NEK7: variants seen among roughly 807,000 people sequenced by gnomAD.
The protein encoded by NEK7 is serine/threonine-protein kinase Nek7.
Under a neutral mutation model 44.6 loss-of-function variants are expected in NEK7, and 18 were observed. The ratio of observed to expected loss-of-function variants is 0.40; its 90% CI spans 0.28 to 0.60. The LOEUF (loss-of-function observed/expected upper bound fraction) is 0.60, where lower values mean the gene tolerates loss of function less well. Among genes scored for constraint, NEK7 ranks in the 20% least tolerant of loss-of-function variants. The probability of loss-of-function intolerance (pLI) is 0.38; values close to 1 mark genes in which losing one functional copy is unlikely to be tolerated. For synonymous variants in NEK7, 130 were observed against 121.1 expected (o/e 1.07, Z -0.48); for missense variants, 256 against 366.5 (o/e 0.70, Z 2.46).
At chr1:198,249,799 A>G (rs1652857350) in intron 2 of NEK7, among the ~76,000 whole-genome samples, 2 of 126,478 alleles carry the variant, frequency 1.6e-5, no homozygotes, top group Non-Finnish European at 1.6e-5. Flanking sequence ...CCTTTGTCAG[A>G]TGAGTGGGTT....
At chr1:198,218,030 A>C (rs1161022719) in intron 1 of NEK7, among the ~76,000 whole-genome samples, 2 of 151,864 alleles carry the variant, frequency 1.3e-5, no homozygotes, top group Admixed American at 6.6e-5. Context: ...TGAAATTCCT[A>C]TGAAAATACC....
intron 1 of NEK7, among the ~76,000 whole-genome samples, chr1:198,159,563 A>C (rs1188523582): frequency 6.6e-6 from 1 of 152,232 alleles, no homozygotes; most frequent in African/African-American, 2.4e-5. Context: ...GAATCTTTCC[A>C]TGGTTAAAAA....
Position 198,281,680 on chromosome 1 carries a change from A to G in NEK7, c.589+2619A>G, listed in dbSNP as rs576219493. 3.5e-4 allele frequency among the ~76,000 whole-genome samples: 53 copies of G among 152,232 alleles called. 1 individual carries two copies. In the South Asian group the frequency reaches 0.011, roughly 32 times the overall value. ...CAAAATACATTTTTGTTGAAAAATC[A>G]AGATACGATTTTAACTCATTTTAAT... is the stretch of plus-strand genomic sequence containing the variant. On this transcript the variant is annotated intron_variant, in intron 7 of 9. Transcript: ENST00000367385.
intron 9 of NEK7, among the ~76,000 whole-genome samples, chr1:198,313,325 A>G (rs1184629490): frequency 6.6e-6 from 1 of 151,248 alleles, no homozygotes. Flanking sequence ...TTTTGAGCCT[A>G]TGTGTGTCTC....
rs533516424 is a variant in NEK7, at chr1:198,194,643, A to T, written c.-29+37367A>T. ...CCATCCATATTCCCACAAAGGACAT[A>T]ATCTCCTTCTTTTTTATGACTGCAT... On this transcript the variant is annotated intron_variant, in intron 1 of 9. Transcript: ENST00000367385. 2.6e-4 allele frequency among the ~76,000 whole-genome samples: 40 copies of T among 152,238 alleles called. No individual in the cohort carries two copies. The South Asian group carries it at 8.3e-3, about 32-fold the overall frequency.
intron 1 of NEK7, among the ~76,000 whole-genome samples, chr1:198,201,683 A>G (rs1440947057): frequency 1.3e-5 from 2 of 152,188 alleles, no homozygotes; most frequent in Non-Finnish European, 2.9e-5. Context: ...TTGTCCTTAT[A>G]TAATTTTTAT....
At chr1:198,196,518 C>G (rs1229151781) in intron 1 of NEK7, among the ~76,000 whole-genome samples, 2 of 152,118 alleles carry the variant, frequency 1.3e-5, no homozygotes, top group Non-Finnish European at 2.9e-5. Context: ...GTAACAGTGG[C>G]AAAACTACAA....
chr1:198,282,090 A>T (rs1161476380), intron 7 of NEK7, among the ~76,000 whole-genome samples: 1 of 152,090 alleles, frequency 6.6e-6, no homozygotes, highest in Non-Finnish European at 1.5e-5. Flanking sequence ...CCTCCCTGCT[A>T]CCACCACATA....
At chr1:198,210,193 C>G (rs1307702280) in intron 1 of NEK7, among the ~76,000 whole-genome samples, 1 of 152,146 alleles carries the variant, frequency 6.6e-6, no homozygotes, top group African/African-American at 2.4e-5. Flanking sequence ...CTCCTGGGTT[C>G]AAGTGATCCT....
intron 1 of NEK7, among the ~76,000 whole-genome samples, chr1:198,158,399 G>C (rs1663983581): frequency 6.6e-6 from 1 of 152,214 alleles, no homozygotes; most frequent in Non-Finnish European, 1.5e-5. Flanking sequence ...ACTGTTTCTA[G>C]TTCCTCCTCC....
chr1:198,234,279 T>G (rs1488851826), intron 2 of NEK7, among the ~76,000 whole-genome samples: 1 of 150,766 alleles, frequency 6.6e-6, no homozygotes, highest in Non-Finnish European at 1.5e-5. Flanking sequence ...TAGCTTAAAG[T>G]AAGGCCAATA....
chr1:198,278,302 G>A (rs912200964), intron 6 of NEK7, among the ~76,000 whole-genome samples: 11 of 151,378 alleles, frequency 7.3e-5, no homozygotes, highest in Admixed American at 7.3e-4. Flanking sequence ...GATGCTGTTG[G>A]TAAAGATAAG....
chr1:198,209,740 A>AT (rs1409006080), intron 1 of NEK7, among the ~76,000 whole-genome samples: 1 of 148,576 alleles, frequency 6.7e-6, no homozygotes, highest in Non-Finnish European at 1.5e-5. Flanking sequence ...GGCTCAAGCG[A>AT]TCCTCCTGCC....
chr1:198,279,353 T>C (rs1265659908), intron 7 of NEK7, among the ~76,000 whole-genome samples: 2 of 151,938 alleles, frequency 1.3e-5, no homozygotes, highest in African/African-American at 4.8e-5. Context: ...CATTTAATAA[T>C]AGATAATATG....
At position 198,157,141 on chromosome 1, in the gene NEK7, G is replaced by A. The variant is rs1222250733; in HGVS notation, c.-164G>A. 1.3e-5 allele frequency: 2 copies of A among 151,688 alleles called. No homozygotes were observed. Among genetic ancestry groups the A allele is most frequent in the African/African-American group, 4.8e-5 (2 of 41,354 alleles). 9.4% of individuals were successfully genotyped at this position (151,688 alleles called of 1,614,324 possible). ...AGCGTCCGCCGGGGCGGCGCGGCGG[G>A]AGGTGGCCGACAGGCTCCGGGCCTC... On this transcript the variant is annotated 5_prime_UTR_variant, in exon 1 of 10. Coordinates refer to ENST00000367385, the MANE Select transcript of NEK7 (RefSeq NM_133494.3).
intron 5 of NEK7, among the ~76,000 whole-genome samples, chr1:198,270,751 C>G (rs1379670519): frequency 6.6e-6 from 1 of 152,004 alleles, no homozygotes; most frequent in Non-Finnish European, 1.5e-5. Context: ...GTGTTTACAA[C>G]TGTATTTTGT....
intron 1 of NEK7, among the ~76,000 whole-genome samples, chr1:198,157,777 CG>C (rs1301104684): frequency 6.6e-6 from 1 of 152,076 alleles, no homozygotes; most frequent in Non-Finnish European, 1.5e-5. Context: ...GGGGAGAATC[CG>C]AAGTGGCTTC....
At chr1:198,180,661 G>C (rs115877549) in intron 1 of NEK7, among the ~76,000 whole-genome samples, 12 of 152,164 alleles carry the variant, frequency 7.9e-5, no homozygotes, top group Non-Finnish European at 1.3e-4. Flanking sequence ...CTTTTAGGGA[G>C]GTAGTCCAAT....
chr1:198,180,446 T>G (rs951911887), intron 1 of NEK7, among the ~76,000 whole-genome samples: 1 of 152,076 alleles, frequency 6.6e-6, no homozygotes, highest in Admixed American at 6.6e-5. Context: ...TGTAACAGTT[T>G]GCTTGAGGAA....
Sources: gnomAD v4.1 joint callset for allele counts (sites outside exome capture counted in the v4.1 genomes callset) on GRCh38, gnomAD v4.1.1 for gene constraint, MANE v1.5 for transcripts, NCBI Gene and HGNC (gene_info 2026-07-23, HGNC 2026-07-21) for gene names.